The following FBXL7 variants were observed in gnomAD, a reference collection of about 807,000 sequenced individuals.
FBXL7 encodes the protein F-box/LRR-repeat protein 7.
In FBXL7, 12 loss-of-function variants were observed where a neutral mutation model predicts 38.3. The observed-to-expected ratio is 0.31, with a 90% confidence interval of 0.20 to 0.51. The LOEUF (loss-of-function observed/expected upper bound fraction) is 0.51, where lower values mean the gene tolerates loss of function less well. Ranked by LOEUF, FBXL7 falls within the 20% of genes least tolerant of loss-of-function variation. FBXL7 has a pLI of 0.98. For missense variants in FBXL7, 567 were observed against 676.4 expected, an observed-to-expected ratio of 0.84 and a Z score of 1.79; for synonymous variants, 297 against 300.9, an observed-to-expected ratio of 0.99 and a Z score of 0.13.
At chr5:15,658,866 C>T (rs938234820) in intron 2 of FBXL7, among the ~76,000 whole-genome samples, 2 of 152,154 alleles carry the variant, frequency 1.3e-5, no homozygotes, top group African/African-American at 4.8e-5. Context: ...GCTGGGCTGT[C>T]TGCCTGTGGA....
intron 2 of FBXL7, among the ~76,000 whole-genome samples, chr5:15,653,050 C>T (rs1741765047): frequency 6.6e-6 from 1 of 152,036 alleles, no homozygotes; most frequent in South Asian, 2.1e-4. Flanking sequence ...AAAACAAAAT[C>T]CCAAACCTTT....
Position 15,632,973 on chromosome 5 carries a change from A to G in FBXL7, c.127+16901A>G, listed in dbSNP as rs77101851. Reference sequence around the variant, plus strand: ...CACAATATACCCAAGTAACAAACCTACACATGTACCCCCTGAAGCTAAAAC... The same window carrying G: ...CACAATATACCCAAGTAACAAACCTGCACATGTACCCCCTGAAGCTAAAAC... On this transcript the variant is annotated intron_variant, in intron 2 of 3. Coordinates refer to ENST00000504595, the MANE Select transcript of FBXL7 (RefSeq NM_012304.5). Among the ~76,000 whole-genome samples, 1,236 of 152,320 alleles carry G rather than the reference A, an allele frequency of 8.1e-3. 14 individuals carry two copies. The highest frequency in any genetic ancestry group is 0.028 in the African/African-American group (1,174 of 41,570).
chr5:15,687,898 G>C (rs1385172290), intron 2 of FBXL7, among the ~76,000 whole-genome samples: 2 of 152,174 alleles, frequency 1.3e-5, no homozygotes, highest in Non-Finnish European at 2.9e-5. Context: ...ACTAAGAATT[G>C]GAGCTTTTCG....
chr5:15,594,163 C>T (rs1257522576), intron 1 of FBXL7, among the ~76,000 whole-genome samples: 1 of 152,118 alleles, frequency 6.6e-6, no homozygotes, highest in African/African-American at 2.4e-5. Flanking sequence ...AGGCATTTGC[C>T]TCCACTGCTA....
intron 1 of FBXL7, among the ~76,000 whole-genome samples, chr5:15,507,978 G>A (rs956531960): frequency 1.3e-5 from 2 of 151,100 alleles, no homozygotes; most frequent in African/African-American, 2.4e-5. Context: ...GGGAGGTGGA[G>A]GTTGCAGTGA....
intron 2 of FBXL7, among the ~76,000 whole-genome samples, chr5:15,866,091 G>C (rs1347524852): frequency 6.6e-6 from 1 of 152,116 alleles, no homozygotes. Flanking sequence ...AAATAAAATT[G>C]TTTGTATTTT....
chr5:15,877,616 G>A (rs1740264280), intron 2 of FBXL7, among the ~76,000 whole-genome samples: 1 of 152,156 alleles, frequency 6.6e-6, no homozygotes, highest in South Asian at 2.1e-4. Flanking sequence ...TCTCTCTGTA[G>A]GTAGCAAAAG....
rs566485462 is a variant in FBXL7 at position 15,714,742 on chromosome 5, G to A, written c.127+98670G>A. 2.2e-3 allele frequency among the ~76,000 whole-genome samples: 341 copies of A among 151,960 alleles called. 2 individuals carry two copies. The highest frequency in any genetic ancestry group is 7.3e-3 in the African/African-American group (304 of 41,454). ...CGGGCGCCTGTAGTCCCAGCTACTC[G>A]GGAGGCTGAGGCAGGAGAATGGCAT... is the stretch of plus-strand genomic sequence containing the variant. On this transcript the variant is annotated intron_variant, in intron 2 of 3. Coordinates refer to ENST00000504595, the MANE Select transcript of FBXL7 (RefSeq NM_012304.5).
intron 2 of FBXL7, among the ~76,000 whole-genome samples, chr5:15,866,078 C>T (rs935813896): frequency 6.3e-4 from 96 of 152,256 alleles, no homozygotes; most frequent in African/African-American, 2.2e-3. Flanking sequence ...ATAATTCTTA[C>T]AGAAATAAAA....
chr5:15,863,401 TTA>T (rs1197117291), intron 2 of FBXL7, among the ~76,000 whole-genome samples: 1 of 152,094 alleles, frequency 6.6e-6, no homozygotes, highest in African/African-American at 2.4e-5. Context: ...GAATATAGAG[TTA>T]TATTCACATA....
At chr5:15,582,636 T>C (rs1739177966) in intron 1 of FBXL7, among the ~76,000 whole-genome samples, 1 of 152,236 alleles carries the variant, frequency 6.6e-6, no homozygotes, top group Non-Finnish European at 1.5e-5. Context: ...AATGATTAGA[T>C]AAACAGCTTT....
At chr5:15,895,618 G>A (rs1740810483) in intron 2 of FBXL7, among the ~76,000 whole-genome samples, 1 of 149,972 alleles carries the variant, frequency 6.7e-6, no homozygotes, top group African/African-American at 2.5e-5. Context: ...TTGATGCTTA[G>A]GGCCCTTTTT....
chr5:15,817,588 T>G (rs2126760403), intron 2 of FBXL7, among the ~76,000 whole-genome samples: 1 of 152,192 alleles, frequency 6.6e-6, no homozygotes, highest in East Asian at 1.9e-4. Flanking sequence ...AGGGTCCCAG[T>G]GGGGGGTAAT....
intron 2 of FBXL7, among the ~76,000 whole-genome samples, chr5:15,757,694 A>G (rs373275107): frequency 2.6e-5 from 4 of 152,310 alleles, no homozygotes; most frequent in East Asian, 1.9e-4. Context: ...CTGTTCTGTC[A>G]TTTGTAAACT....
chr5:15,808,312 A>G (rs889460126), intron 2 of FBXL7, among the ~76,000 whole-genome samples: 2 of 152,028 alleles, frequency 1.3e-5, no homozygotes, highest in Non-Finnish European at 2.9e-5. Context: ...ATTTGCCTTC[A>G]TATTTAAGTG....
chr5:15,757,520 G>T (rs1303522043), intron 2 of FBXL7, among the ~76,000 whole-genome samples: 1 of 149,046 alleles, frequency 6.7e-6, no homozygotes, highest in Non-Finnish European at 1.5e-5. Context: ...CTGAAACTCT[G>T]TAGATTTTAT....
At chr5:15,883,319 A>C (rs575400828) in intron 2 of FBXL7, among the ~76,000 whole-genome samples, 1 of 152,232 alleles carries the variant, frequency 6.6e-6, no homozygotes, top group Non-Finnish European at 1.5e-5. Flanking sequence ...GTTTTTCTTT[A>C]ATTTTTGTTT....
chr5:15,788,870 TTG>T (rs1491350561), intron 2 of FBXL7, among the ~76,000 whole-genome samples: 2 of 151,442 alleles, frequency 1.3e-5, no homozygotes, highest in African/African-American at 2.4e-5. Context: ...TTTTTTTTTT[TTG>T]AAGGAGTCTT....
chr5:15,752,149 T>G (rs1736170651), intron 2 of FBXL7, among the ~76,000 whole-genome samples: 1 of 128,218 alleles, frequency 7.8e-6, no homozygotes, highest in East Asian at 2.5e-4. Context: ...AAATAGAATG[T>G]TTAATAAAAT....
Sources: gnomAD v4.1 joint callset for allele counts (sites outside exome capture counted in the v4.1 genomes callset) on GRCh38, gnomAD v4.1.1 for gene constraint, MANE v1.5 for transcripts, NCBI Gene and HGNC (gene_info 2026-07-23, HGNC 2026-07-21) for gene names.